Variants in PRELID2 observed in about 807,000 individuals in gnomAD.
PRELID2 encodes PRELI domain containing 2.
A neutral mutation model predicts 28.4 loss-of-function variants in PRELID2; 25 were observed. The ratio of observed to expected loss-of-function variants is 0.88; its 90% confidence interval spans 0.64 to 1.23. PRELID2 has a LOEUF of 1.23. Among genes scored for constraint, PRELID2 ranks in the 50% most tolerant of loss-of-function variants. The pLI, the probability that PRELID2 is intolerant of heterozygous loss-of-function variation, is 0.00. For missense variants in PRELID2, 201 were observed against 214.4 expected (o/e 0.94, Z 0.39); for synonymous variants, 76 against 71.6 (o/e 1.06, Z -0.31).
At chr5:145,815,201 G>A (rs891157207) in intron 4 of PRELID2, among the ~76,000 whole-genome samples, 1 of 152,162 alleles carries the variant, frequency 6.6e-6, no homozygotes, top group African/African-American at 2.4e-5. Context: ...GGCAGCATCT[G>A]CAAACCAAAA....
chr5:145,819,309 T>A, intron 3 of PRELID2: 2 of 1,006,790 alleles, frequency 2.0e-6, no homozygotes, highest in South Asian at 1.3e-5. Context: ...GACTTCCTCA[T>A]AGCTCTAAAA....
Position 145,731,655 on chromosome 5 carries a change from C to T in PRELID2, n.70+33276G>A, listed in dbSNP as rs1035899097. On this transcript the variant is annotated intron_variant and non_coding_transcript_variant, in intron 1 of 2. Transcript: ENST00000510259. ...ACCCCTCACTACTTTTGAAATTATG[C>T]TATGAGAAGTTGTCAAATTTAGCAA... Among the ~76,000 whole-genome samples, 5 of 152,186 alleles carry T rather than the reference C, an allele frequency of 3.3e-5. No homozygotes were observed. In the South Asian group the frequency reaches 6.2e-4, roughly 19 times the overall value.
intron 1 of PRELID2, among the ~76,000 whole-genome samples, chr5:145,516,265 C>T (rs1175781678): frequency 6.6e-6 from 1 of 152,154 alleles, no homozygotes; most frequent in East Asian, 1.9e-4. Context: ...CCAAAATCTC[C>T]TCAAGCTGAT....
intron 1 of PRELID2, among the ~76,000 whole-genome samples, chr5:145,505,181 G>T (rs1752398159): frequency 6.6e-6 from 1 of 152,080 alleles, no homozygotes; most frequent in Non-Finnish European, 1.5e-5. Flanking sequence ...TGATTCAATA[G>T]ATTTCTATTC....
chr5:145,819,960 T>C lies in PRELID2; in HGVS notation c.192A>G (p.Pro64=). The part of the protein sequence containing the change: ...KRIAICQNVV[P]EILRKVSILK... The stretch of plus-strand genomic sequence containing the variant: ...ATGAACTTACCTTCCTTAAAATTTC[T>C]GGAACCACGTTCTGACAGATTGCAA... The change falls in exon 3 of 7, where the codon CCA becomes CCG. Residue 64 remains proline (P), a synonymous_variant. Transcript: ENST00000683046. 1 of 1,603,786 alleles carries C rather than the reference T, an allele frequency of 6.2e-7. No individual in the cohort carries two copies. The highest frequency in any genetic ancestry group is 1.1e-5 in the South Asian group (1 of 89,534).
the PRELID2 span, among the ~76,000 whole-genome samples, chr5:145,377,632 C>CT: frequency 2.0e-5 from 3 of 152,040 alleles, no homozygotes; most frequent in Admixed American, 6.6e-5. Context: ...CCTTCTTTGT[C>CT]TTTTTTTAAT....
At chr5:145,414,756 C>T in the PRELID2 span, among the ~76,000 whole-genome samples, 1 of 152,122 alleles carries the variant, frequency 6.6e-6, no homozygotes, top group African/African-American at 2.4e-5. Flanking sequence ...CAATTTCAAC[C>T]ACCATATAAG....
chr5:145,733,817 C>A (rs1421140993), intron 1 of PRELID2, among the ~76,000 whole-genome samples: 3 of 152,192 alleles, frequency 2.0e-5, no homozygotes, highest in Non-Finnish European at 2.9e-5. Flanking sequence ...ATCCTTGGAA[C>A]CTGTGAGCCT....
chr5:145,277,597 T>C, the PRELID2 span, among the ~76,000 whole-genome samples: 3 of 152,174 alleles, frequency 2.0e-5, no homozygotes, highest in African/African-American at 7.2e-5. Context: ...CTGTCATGGA[T>C]TCCTAGCTTT....
chr5:145,513,948 GAGATTTTGTCACCACC>G (rs1292542074), intron 1 of PRELID2, among the ~76,000 whole-genome samples: 7 of 152,214 alleles, frequency 4.6e-5, no homozygotes, highest in African/African-American at 1.4e-4. Context: ...CAAATGCTAA[GAGATTTTGTCACCACC>G]AGACCTGTCT....
the PRELID2 span, among the ~76,000 whole-genome samples, chr5:145,376,713 G>A: frequency 6.6e-6 from 1 of 152,090 alleles, no homozygotes; most frequent in South Asian, 2.1e-4. Flanking sequence ...GAGGTTGTTT[G>A]TATTTCTGTA....
chr5:145,231,984 T>C, the PRELID2 span, among the ~76,000 whole-genome samples: 1 of 151,900 alleles, frequency 6.6e-6, no homozygotes, highest in Non-Finnish European at 1.5e-5. Context: ...TTTAGAAACC[T>C]CTCTCTCTGT....
At chr5:145,710,000 T>A (rs1262240682) in intron 1 of PRELID2, among the ~76,000 whole-genome samples, 1 of 152,198 alleles carries the variant, frequency 6.6e-6, no homozygotes, top group Non-Finnish European at 1.5e-5. Flanking sequence ...TGGGGTTTTT[T>A]AAATTGCTTT....
the PRELID2 span, among the ~76,000 whole-genome samples, chr5:145,292,860 A>T: frequency 6.6e-6 from 1 of 152,088 alleles, no homozygotes; most frequent in Non-Finnish European, 1.5e-5. Context: ...GGAGCATGCC[A>T]TCGCACCATG....
At chr5:145,237,416 A>G in the PRELID2 span, among the ~76,000 whole-genome samples, 5 of 151,696 alleles carry the variant, frequency 3.3e-5, no homozygotes, top group South Asian at 8.3e-4. Flanking sequence ...GCTTTCATAC[A>G]TGTGTCAATT....
chr5:145,610,815 C>A (rs531851605), intron 1 of PRELID2, among the ~76,000 whole-genome samples: 40 of 152,082 alleles, frequency 2.6e-4, no homozygotes, highest in African/African-American at 9.2e-4. Flanking sequence ...TAAGGGTTAA[C>A]TACAAAAATA....
At chr5:145,780,898 G>A (rs1751540574) in intron 5 of PRELID2, among the ~76,000 whole-genome samples, 1 of 152,162 alleles carries the variant, frequency 6.6e-6, no homozygotes, top group Admixed American at 6.5e-5. Context: ...CAGAGATGGT[G>A]AGCTGGAATC....
chr5:145,546,781 T>A (rs1295008599), intron 1 of PRELID2, among the ~76,000 whole-genome samples: 1 of 152,100 alleles, frequency 6.6e-6, no homozygotes, highest in South Asian at 2.1e-4. Flanking sequence ...TCACTGAAAT[T>A]TGAAAACAAA....
intron 1 of PRELID2, among the ~76,000 whole-genome samples, chr5:145,639,375 T>C (rs1292006064): frequency 6.6e-6 from 1 of 151,924 alleles, no homozygotes; most frequent in Non-Finnish European, 1.5e-5. Context: ...AGAGGGTGGG[T>C]GGGATCACAG....
Sources: allele counts gnomAD v4.1 joint callset (sites outside exome capture counted in the v4.1 genomes callset), GRCh38; gene constraint gnomAD v4.1.1; transcripts MANE v1.5; gene names NCBI Gene and HGNC (gene_info 2026-07-23, HGNC 2026-07-21).